Variants in EPHB1 observed in about 807,000 individuals in gnomAD.
EPHB1 encodes ephrin type-B receptor 1.
A neutral mutation model predicts 94.4 loss-of-function variants in EPHB1; 30 were observed. That is an observed-to-expected ratio of 0.32 (90% CI 0.24 to 0.43). The LOEUF (loss-of-function observed/expected upper bound fraction) is 0.43. EPHB1 is among the 20% of genes least tolerant of loss of function. The probability of loss-of-function intolerance (pLI) is 1.00; values close to 1 mark genes in which losing one functional copy is unlikely to be tolerated. For synonymous variants in EPHB1, 522 were observed against 489.1 expected (o/e 1.07, Z -0.89); for missense variants, 1,055 against 1,308.3 (o/e 0.81, Z 2.99).
At chr3:135,212,362 A>G (rs987408367) in intron 12 of EPHB1, among the ~76,000 whole-genome samples, 1 of 152,120 alleles carries the variant, frequency 6.6e-6, no homozygotes, top group Admixed American at 6.5e-5. Flanking sequence ...CTCTTTATAC[A>G]TCTAGAAGTT....
intron 3 of EPHB1, among the ~76,000 whole-genome samples, chr3:135,086,055 C>G (rs1938349351): frequency 6.6e-6 from 1 of 152,102 alleles, no homozygotes; most frequent in South Asian, 2.1e-4. Flanking sequence ...AAGAAGCTTC[C>G]TACTAACTCC....
chr3:135,079,817 C>T (rs2107786347), intron 3 of EPHB1, among the ~76,000 whole-genome samples: 1 of 152,222 alleles, frequency 6.6e-6, no homozygotes, highest in East Asian at 1.9e-4. Flanking sequence ...TTCACTGTAG[C>T]TTTGCTGTTC....
intron 3 of EPHB1, among the ~76,000 whole-genome samples, chr3:135,027,783 A>G (rs1936247090): frequency 7.7e-6 from 1 of 130,620 alleles, no homozygotes; most frequent in Non-Finnish European, 1.7e-5. Context: ...TGATTGGAAT[A>G]GTTTCAGAAG....
chr3:134,863,752 G>A (rs1490196138), intron 1 of EPHB1, among the ~76,000 whole-genome samples: 1 of 152,192 alleles, frequency 6.6e-6, no homozygotes, highest in East Asian at 1.9e-4. Flanking sequence ...TCTTGCTAAT[G>A]TTGCATTGTC....
chr3:135,054,753 T>A (rs989518432), intron 3 of EPHB1, among the ~76,000 whole-genome samples: 3 of 152,232 alleles, frequency 2.0e-5, no homozygotes, highest in Admixed American at 2.0e-4. Flanking sequence ...ATATTACGTA[T>A]TCATTCCTTA....
Position 134,865,589 on chromosome 3 carries a change from T to C in EPHB1, c.59-60227T>C, listed in dbSNP as rs977958000. The stretch of plus-strand genomic sequence containing the variant: ...AAAGATTGGAAACAGCCCAAATGTC[T>C]ATCATTATAGAATTAGTTAAATAAA... On this transcript the variant is annotated intron_variant, in intron 1 of 15. Transcript: ENST00000398015. 5.9e-5 allele frequency among the ~76,000 whole-genome samples: 9 copies of C among 151,848 alleles called. No individual in the cohort carries two copies. The East Asian group carries it at 1.7e-3, about 29-fold the overall frequency.
intron 3 of EPHB1, among the ~76,000 whole-genome samples, chr3:135,087,952 A>G (rs551629632): frequency 1.3e-5 from 2 of 152,308 alleles, no homozygotes; most frequent in East Asian, 1.9e-4. Context: ...AGCCACATCC[A>G]TGCATCACGT....
At chr3:135,198,788 CA>C (rs1942688329) in intron 11 of EPHB1, among the ~76,000 whole-genome samples, 2 of 152,146 alleles carry the variant, frequency 1.3e-5, no homozygotes. Context: ...TGTGTTATCT[CA>C]TTTAGTCTCA....
chr3:135,127,080 T>C (rs1356441947), intron 4 of EPHB1, among the ~76,000 whole-genome samples: 1 of 152,222 alleles, frequency 6.6e-6, no homozygotes, highest in African/African-American at 2.4e-5. Context: ...TTCTCTGACC[T>C]ACCATCTTTC....
intron 12 of EPHB1, among the ~76,000 whole-genome samples, chr3:135,240,580 C>T (rs1239088293): frequency 6.6e-6 from 1 of 152,168 alleles, no homozygotes; most frequent in Admixed American, 6.5e-5. Context: ...CCTCATGAAG[C>T]TCAGGGCTAT....
chr3:134,869,812 A>G (rs1425318973), intron 1 of EPHB1, among the ~76,000 whole-genome samples: 2 of 152,218 alleles, frequency 1.3e-5, no homozygotes, highest in African/African-American at 4.8e-5. Flanking sequence ...CATAGAAGCC[A>G]CAGCTCTTTC....
intron 1 of EPHB1, among the ~76,000 whole-genome samples, chr3:134,803,085 G>A (rs1393324495): frequency 2.0e-5 from 3 of 152,230 alleles, no homozygotes; most frequent in Admixed American, 2.0e-4. Flanking sequence ...TAAGGAGGGT[G>A]CTCATGGGAG....
chr3:134,795,475 C>A lies in EPHB1; in HGVS notation c.-157C>A, dbSNP rs2035802351. On this transcript the variant is annotated 5_prime_UTR_variant, in exon 1 of 16. Transcript: ENST00000398015. ...CCGCCCCACGCGCACACACTCCTGC[C>A]CACGCCCACGCAGCGCTCCGGGAAG... 3.0e-6 allele frequency: 2 copies of A among 674,262 alleles called. No homozygotes were observed. The highest frequency in any genetic ancestry group is 2.4e-6 in the Non-Finnish European group (1 of 413,442). The allele number at this position is 674,262 out of a possible 1,614,324, so 41.8% of individuals were successfully genotyped here. A position where few individuals can be genotyped will look rare whatever the true frequency, so the allele number is the denominator to read the frequency against.
intron 1 of EPHB1, among the ~76,000 whole-genome samples, chr3:134,811,582 C>T (rs2036181478): frequency 6.6e-6 from 1 of 151,904 alleles, no homozygotes; most frequent in Non-Finnish European, 1.5e-5. Context: ...GACCACCCCA[C>T]ACCCTGTGAA....
intron 3 of EPHB1, among the ~76,000 whole-genome samples, chr3:135,059,686 G>T (rs1014129197): frequency 1.3e-5 from 2 of 152,200 alleles, no homozygotes; most frequent in Admixed American, 6.5e-5. Flanking sequence ...TGCAGGTGGT[G>T]ATTATTTGGA....
At chr3:135,106,358 A>G (rs539837906) in intron 3 of EPHB1, 90 bp from the exon 4 acceptor site, 1 of 1,454,616 alleles carries the variant, frequency 6.9e-7, no homozygotes, top group African/African-American at 1.4e-5. Context: ...TGTTCTTTTT[A>G]GAGAGGAAGA....
chr3:135,157,248 A>C (rs1356059076), intron 6 of EPHB1, among the ~76,000 whole-genome samples: 2 of 152,166 alleles, frequency 1.3e-5, no homozygotes, highest in African/African-American at 4.8e-5. Context: ...CCTCCTCTTC[A>C]TCTGCCGTGC....
intron 1 of EPHB1, among the ~76,000 whole-genome samples, chr3:134,826,335 T>C (rs572528012): frequency 3.3e-5 from 5 of 152,150 alleles, no homozygotes; most frequent in Non-Finnish European, 7.4e-5. Flanking sequence ...CTTCTTGTTA[T>C]CTGCTTGATA....
intron 1 of EPHB1, among the ~76,000 whole-genome samples, chr3:134,869,087 A>G: frequency 6.6e-6 from 1 of 152,190 alleles, no homozygotes; most frequent in East Asian, 1.9e-4. Context: ...TTGTGAGAGG[A>G]TTAGATGGTG....
Sources: gnomAD v4.1 joint callset for allele counts (sites outside exome capture counted in the v4.1 genomes callset) on GRCh38, gnomAD v4.1.1 for gene constraint, MANE v1.5 for transcripts, NCBI Gene and HGNC (gene_info 2026-07-23, HGNC 2026-07-21) for gene names.